Variants in SERPINA7 observed in about 807,000 individuals in gnomAD.
The protein encoded by SERPINA7 is serpin family A member 7.
SERPINA7 carries 14 observed loss-of-function variants against 16.0 expected under a neutral mutation model. The ratio of observed to expected loss-of-function variants is 0.88; its 90% CI spans 0.58 to 1.37. SERPINA7 has a LOEUF of 1.37. Among genes scored for constraint, SERPINA7 ranks in the 40% most tolerant of loss-of-function variants. The pLI is 0.00. For missense variants in SERPINA7, 335 were observed against 296.6 expected (o/e 1.13, Z -0.95); for synonymous variants, 140 against 111.0 (o/e 1.26, Z -1.65).
In SERPINA7 at chrX:106,034,522, A is replaced by G. The variant is rs909090232; in HGVS notation, c.897-140T>C. On this transcript the variant is annotated intron_variant, in intron 3 of 4. Coordinates refer to ENST00000372563, the MANE Select transcript of SERPINA7 (RefSeq NM_000354.6). ...TAACCATTACTATGTAAGTCAATAC[A>G]TGGCACCAAACTCACAGAAGTTATT... 1.6e-5 allele frequency: 9 copies of G among 565,513 alleles called. No individual in the cohort carries two copies. In the Admixed American group the frequency reaches 1.9e-4, roughly 12 times the overall value. The allele number at this position is 565,513 out of a possible 1,213,427, so 46.6% of individuals were successfully genotyped here.
chrX:106,033,153 G>A lies in SERPINA7; in HGVS notation c.*347C>T, dbSNP rs1179104282. 1 of 273,206 alleles carries A rather than the reference G, an allele frequency of 3.7e-6. No homozygotes were observed. Among genetic ancestry groups the A allele is most frequent in the Non-Finnish European group, 6.6e-6 (1 of 151,360 alleles). The allele number at this position is 273,206 out of a possible 1,213,427, so 22.5% of individuals were successfully genotyped here. On this transcript the variant is annotated 3_prime_UTR_variant, in exon 5 of 5. Coordinates refer to ENST00000372563, the MANE Select transcript of SERPINA7 (RefSeq NM_000354.6). ...TCTTATTGGAGTACTGGGATACGAA[G>A]ACCTGACCTGCTTTTTAGCTATTCC...
Position 106,033,315 on chromosome X carries a change from A to C in SERPINA7, c.*185T>G, listed in dbSNP as rs181696963. ...TTGGATAATAATGAATTACTCATTGACATTCTGAATGCTCTGCCATAGGAT... is the reference window on the plus strand; with the variant it reads ...TTGGATAATAATGAATTACTCATTGCCATTCTGAATGCTCTGCCATAGGAT... On this transcript the variant is annotated 3_prime_UTR_variant, in exon 5 of 5. Coordinates refer to ENST00000372563, the MANE Select transcript of SERPINA7 (RefSeq NM_000354.6). 3 of 495,662 alleles carry C rather than the reference A, an allele frequency of 6.1e-6. No individual in the cohort carries two copies. In the African/African-American group the frequency reaches 7.1e-5, roughly 12 times the overall value. 40.8% of individuals were successfully genotyped at this position (495,662 alleles called of 1,213,427 possible).
In SERPINA7 at chrX:106,036,852, G is replaced by T. The variant is rs766869659; in HGVS notation, c.207C>A (p.Ser69=). ...VETPDKNIFF[S]PVSISAALVM... Reference sequence around the variant, plus strand: ...CCAAAGCTGCAGAAATGCTCACAGGGGAAAAGAAGATGTTCTTATCTGGGG... The same window carrying T: ...CCAAAGCTGCAGAAATGCTCACAGGTGAAAAGAAGATGTTCTTATCTGGGG... Residue 69 remains serine, a synonymous_variant, in exon 2 of 5, where the codon TCC becomes TCA. Transcript: ENST00000372563. The T allele has an allele frequency of 4.8e-5, 58 of 1,209,053 alleles. No homozygotes were observed. In the Admixed American group the frequency reaches 1.3e-3, roughly 27 times the overall value.
chrX:106,032,711 C>G lies in SERPINA7; in HGVS notation c.*789G>C, dbSNP rs942372462. The G allele has an allele frequency of 9.0e-6, 1 of 111,138 alleles. No homozygotes were observed. Among genetic ancestry groups the G allele is most frequent in the African/African-American group, 3.3e-5 (1 of 30,524 alleles). The allele number at this position is 111,138 out of a possible 1,213,427, so 9.2% of individuals were successfully genotyped here. On this transcript the variant is annotated 3_prime_UTR_variant, in exon 5 of 5. Coordinates refer to ENST00000372563, the MANE Select transcript of SERPINA7 (RefSeq NM_000354.6). Reference sequence around the variant, plus strand: ...CTGGGGATACAAAAGTACCAATATTCAGTGAAATTAGAGCCAAAAAGGAGA... The same window carrying G: ...CTGGGGATACAAAAGTACCAATATTGAGTGAAATTAGAGCCAAAAAGGAGA...
At chrX:106,034,714 T>G (rs1340632806) in intron 3 of SERPINA7, among the ~76,000 whole-genome samples, 1 of 111,977 alleles carries the variant, frequency 8.9e-6, no homozygotes, top group Non-Finnish European at 1.9e-5. Context: ...CACAGTTTTC[T>G]GCCTTGCACT....
At position 106,034,386 on chromosome X, in the gene SERPINA7, T is replaced by C; in HGVS notation, c.897-4A>G. 1 of 1,201,357 alleles carries C rather than the reference T, an allele frequency of 8.3e-7. No homozygotes were observed. Among genetic ancestry groups the C allele is most frequent in the Non-Finnish European group, 1.1e-6 (1 of 886,295 alleles). The stretch of plus-strand genomic sequence containing the variant: ...TGGAACAAACAAGTCAACCCATCTG[T>C]GGGAAAAGAGGAAGGGAACACATGG... On this transcript the variant is annotated splice_polypyrimidine_tract_variant and splice_region_variant and intron_variant, in intron 3 of 4. Coordinates refer to ENST00000372563, the MANE Select transcript of SERPINA7 (RefSeq NM_000354.6).
Position 106,036,741 on chromosome X carries a change from T to C in SERPINA7, c.318A>G (p.Val106=), listed in dbSNP as rs1213436823. The C allele has an allele frequency of 2.5e-6, 3 of 1,211,185 alleles. No individual in the cohort carries two copies. The highest frequency in any genetic ancestry group is 3.4e-6 in the Non-Finnish European group (3 of 895,158). The change falls in exon 2 of 5, where the codon GTA becomes GTG. Residue 106 remains valine (V), a synonymous_variant. Coordinates refer to ENST00000372563, the MANE Select transcript of SERPINA7 (RefSeq NM_000354.6). ...LGFNLTDTPM[V]EIQHGFQHLI... ...GATGCTGGAAGCCATGCTGGATCTC[T>C]ACCATTGGAGTGTCTGTGAGGTTGA...
intron 2 of SERPINA7, 35 bp from the exon 3 acceptor site, chrX:106,035,420 A>C (rs770888330): frequency 8.5e-7 from 1 of 1,178,659 alleles, no homozygotes; most frequent in Non-Finnish European, 1.2e-6. Context: ...TGTTTATTTT[A>C]AACCGGTATC....
Position 106,033,342 on chromosome X carries a change from G to T in SERPINA7, c.*158C>A. 1.7e-6 allele frequency: 1 copy of T among 588,804 alleles called. No individual in the cohort carries two copies. The highest frequency in any genetic ancestry group is 2.9e-6 in the Non-Finnish European group (1 of 343,503). The allele number at this position is 588,804 out of a possible 1,213,427, so 48.5% of individuals were successfully genotyped here. ...ATTCTGAATGCTCTGCCATAGGATT[G>T]GCCTCTTCCACAGCCAACAAAGTTC... On this transcript the variant is annotated 3_prime_UTR_variant, in exon 5 of 5. Transcript: ENST00000372563.
rs2041452940 is a variant in SERPINA7 at position 106,036,673 on chromosome X, T to C, written c.386A>G (p.Gln129Arg). The change falls in exon 2 of 5, where the codon CAG (glutamine) becomes CGG (arginine). Residue 129 changes from glutamine (Q) to arginine (R), a missense_variant. Gln to Arg is a conservative substitution (Grantham distance 43). Transcript: ENST00000372563. The part of the protein sequence containing the change: ...LNFPKKELEL[Q>R]IGNALFIGKH... ...GCCAATGAAGAGGGCATTTCCTATC[T>C]GCAATTCCAGTTCCTTCTTTGGAAA... The C allele has an allele frequency of 8.3e-7, 1 of 1,211,136 alleles. No homozygotes were observed. The highest frequency in any genetic ancestry group is 1.7e-5 in the African/African-American group (1 of 57,684).
At chrX:106,037,163 T>A (rs950000114) in intron 1 of SERPINA7, 88 bp from the exon 2 acceptor site, 4 of 709,704 alleles carry the variant, frequency 5.6e-6, no homozygotes, top group South Asian at 4.7e-5. Flanking sequence ...ACCACCCACA[T>A]TGATTAATAA....
intron 1 of SERPINA7, 61 bp from the exon 2 acceptor site, chrX:106,037,136 G>A: frequency 1.1e-6 from 1 of 928,891 alleles, no homozygotes; most frequent in Non-Finnish European, 1.5e-6. Context: ...CACTCCCTGA[G>A]CCAGAGACAC....
In SERPINA7 at chrX:106,036,436, C is replaced by T. The variant is rs1262937390; in HGVS notation, c.622+1G>A. The T allele has an allele frequency of 4.1e-6, 5 of 1,208,994 alleles. No homozygotes were observed. Among genetic ancestry groups the T allele is most frequent in the Non-Finnish European group, 5.6e-6 (5 of 894,582 alleles). On this transcript the variant is annotated splice_donor_variant, in intron 2 of 4. Coordinates refer to ENST00000372563, the MANE Select transcript of SERPINA7 (RefSeq NM_000354.6). LOFTEE classifies it high-confidence loss of function. ...TGAAAATTGACATCTGAAAGTCTTA[C>T]CTTTAAAGTGAATATAGTTCACTAA...
At chrX:106,035,835 T>A (rs2041445199) in intron 2 of SERPINA7, among the ~76,000 whole-genome samples, 1 of 112,434 alleles carries the variant, frequency 8.9e-6, no homozygotes, top group Admixed American at 9.4e-5. Context: ...AGAAATCATT[T>A]GAGCACAGTA....
chrX:106,036,961 G>A lies in SERPINA7; in HGVS notation c.98C>T (p.Ser33Phe). The change falls in exon 2 of 5, where the codon TCC (serine) becomes TTC (phenylalanine). Residue 33 changes from serine (S) to phenylalanine (F), a missense_variant. Ser to Phe is a radical substitution (Grantham distance 155, BLOSUM62 -2). Transcript: ENST00000372563. ...PEGKVTACHS[S>F]QPNATLYKMS... ...CTTGTAGAGAGTGGCATTTGGTTGG[G>A]ATGAATGGCAGGCTGTTACTTTGCC... is the stretch of plus-strand genomic sequence containing the variant. The A allele has an allele frequency of 8.3e-7, 1 of 1,211,128 alleles. No homozygotes were observed. Among genetic ancestry groups the A allele is most frequent in the Non-Finnish European group, 1.1e-6 (1 of 895,034 alleles).
Position 106,034,140 on chromosome X carries a change from C to G in SERPINA7, c.1044+95G>C, listed in dbSNP as rs2041429904. ...GGAGTCACACCGCCTCTCTAGGCAT[C>G]AGATTGCTAATTGGTAAAATAAGAA... On this transcript the variant is annotated intron_variant, in intron 4 of 4. Coordinates refer to ENST00000372563, the MANE Select transcript of SERPINA7 (RefSeq NM_000354.6). The G allele has an allele frequency of 6.6e-6, 6 of 902,348 alleles. No homozygotes were observed. The Admixed American group carries it at 7.3e-5, about 11-fold the overall frequency. 74.4% of individuals were successfully genotyped at this position (902,348 alleles called of 1,213,427 possible). A position where few individuals can be genotyped will look rare whatever the true frequency, so the allele number is the denominator to read the frequency against.
rs1050086 is a variant in SERPINA7 at position 106,036,488 on chromosome X, C to G, written c.571G>C (p.Asp191His). 1 of 1,210,703 alleles carries G rather than the reference C, an allele frequency of 8.3e-7. No individual in the cohort carries two copies. Among genetic ancestry groups the G allele is most frequent in the African/African-American group, 1.7e-5 (1 of 57,684 alleles). ...TKGKVVGLIQ[D>H]LKPNTIMVLV... The stretch of plus-strand genomic sequence containing the variant: ...ACCATGATGGTGTTTGGCTTGAGGT[C>G]TTGAATTAGACCCACAACTTTCCCT... Residue 191 changes from aspartate (D) to histidine (H), a missense_variant, in exon 2 of 5, where the codon GAC becomes CAC. Coordinates refer to ENST00000372563, the MANE Select transcript of SERPINA7 (RefSeq NM_000354.6).
chrX:106,036,603 G>T lies in SERPINA7; in HGVS notation c.456C>A (p.Thr152=), dbSNP rs759411188. The change falls in exon 2 of 5, where the codon ACC becomes ACA. Residue 152 remains threonine (T), a synonymous_variant. Transcript: ENST00000372563. The part of the protein sequence containing the change: ...PLAKFLNDVK[T]LYETEVFSTD... The stretch of plus-strand genomic sequence containing the variant: ...TAGAAAAGACTTCAGTCTCATAGAG[G>T]GTCTTGACATCATTCAAGAACTTTG... 8.3e-7 allele frequency: 1 copy of T among 1,210,533 alleles called. No individual in the cohort carries two copies. Among genetic ancestry groups the T allele is most frequent in the Admixed American group, 2.2e-5 (1 of 45,886 alleles).
In SERPINA7 at chrX:106,033,699, G is replaced by T. The variant is rs759286709; in HGVS notation, c.1049C>A (p.Ala350Asp). 5.8e-6 allele frequency: 7 copies of T among 1,210,692 alleles called. No homozygotes were observed. The South Asian group carries it at 1.2e-4, about 21-fold the overall frequency. ...ACCAATGTGCAGCACAGCCTTATGG[G>T]CAGCCTGTGTGGGGAGAACAAATCC... Reference protein sequence around the residue: ...EDNGLKLSNAAHKAVLHIGEK... With the variant: ...EDNGLKLSNADHKAVLHIGEK... Residue 350 changes from alanine to aspartate, a missense_variant, in exon 5 of 5, where the codon GCC becomes GAC. Ala to Asp is a moderately radical substitution (Grantham distance 126). Coordinates refer to ENST00000372563, the MANE Select transcript of SERPINA7 (RefSeq NM_000354.6).
Sources: gnomAD v4.1 joint callset for allele counts (sites outside exome capture counted in the v4.1 genomes callset) on GRCh38, gnomAD v4.1.1 for gene constraint, MANE v1.5 for transcripts, NCBI Gene and HGNC (gene_info 2026-07-23, HGNC 2026-07-21) for gene names.